The following CUX2 variants were observed in gnomAD, a reference collection of about 807,000 sequenced individuals.
CUX2 encodes the protein homeobox protein cut-like 2.
A neutral mutation model predicts 144.8 loss-of-function variants in CUX2; 40 were observed. The ratio of observed to expected loss-of-function variants is 0.28; its 90% CI spans 0.21 to 0.36. CUX2 has a LOEUF of 0.36. Among genes scored for constraint, CUX2 ranks in the 10% least tolerant of loss-of-function variants. The pLI, the probability that CUX2 is intolerant of heterozygous loss-of-function variation, is 1.00. For missense variants in CUX2, 1,615 were observed against 1,994.0 expected (o/e 0.81, Z 3.62); for synonymous variants, 827 against 875.6 (o/e 0.94, Z 0.98).
rs1555279320 is a variant in CUX2, at chr12:111,186,780, A to ATG, written c.64-27418_64-27417dup. On this transcript the variant is annotated intron_variant, in intron 1 of 21. Transcript: ENST00000261726. The surrounding 1 kb of genome is among the most constrained non-coding windows in gnomAD (Gnocchi z 4.4). The stretch of plus-strand genomic sequence containing the variant: ...GTATTAAAATCGATATGATGTGTGT[A>ATG]TGTTTTTTTTTTTTTTGAGACAGAA... Among the ~76,000 whole-genome samples the ATG allele has an allele frequency of 7.7e-6, 1 of 129,762 alleles. No homozygotes were observed. Among genetic ancestry groups the ATG allele is most frequent in the Non-Finnish European group, 1.5e-5 (1 of 64,602 alleles). 85.1% of individuals were successfully genotyped at this position (129,762 alleles called of 152,430 possible). A position where few individuals can be genotyped will look rare whatever the true frequency, so the allele number is the denominator to read the frequency against.
chr12:111,247,321 T>A (rs1481679509), intron 3 of CUX2, among the ~76,000 whole-genome samples: 1 of 152,204 alleles, frequency 6.6e-6, no homozygotes, highest in Non-Finnish European at 1.5e-5. Flanking sequence ...ACTCCACAGA[T>A]ACGTCCAGAA....
At position 111,069,801 on chromosome 12, in the gene CUX2, T is replaced by C. The variant is rs141969043; in HGVS notation, c.63+35561T>C. 3.5e-3 allele frequency among the ~76,000 whole-genome samples: 529 copies of C among 152,264 alleles called. 8 individuals are homozygous for C. The highest frequency in any genetic ancestry group is 0.012 in the African/African-American group (486 of 41,544). The stretch of plus-strand genomic sequence containing the variant: ...ACCTTAAATACATCTTTAAAGGCCC[T>C]GCTCCAAATACAGTCTCCAAACACA... On this transcript the variant is annotated intron_variant, in intron 1 of 21. Transcript: ENST00000261726.
chr12:111,347,465 G>A (rs969595458), intron 21 of CUX2, 59 bp from the exon 22 acceptor site: 2 of 1,482,204 alleles, frequency 1.3e-6, no homozygotes, highest in African/African-American at 2.8e-5. Flanking sequence ...TATGCAGATG[G>A]AGTCCAGGGT....
In CUX2 at chr12:111,037,247, C is replaced by T. The variant is rs1343765068; in HGVS notation, c.63+3007C>T. Among the ~76,000 whole-genome samples, 1 of 152,184 alleles carries T rather than the reference C, an allele frequency of 6.6e-6. No individual in the cohort carries two copies. The highest frequency in any genetic ancestry group is 1.5e-5 in the Non-Finnish European group (1 of 68,040). On this transcript the variant is annotated intron_variant, in intron 1 of 21. Coordinates refer to ENST00000261726, the MANE Select transcript of CUX2 (RefSeq NM_015267.4). This position sits in a 1 kb window ranked among gnomAD's most constrained non-coding sequence, Gnocchi z 5.4. ...GCTGTTCAGGTTGAATGGTTTCTCG[C>T]AGCGTGGTTGCTGAGCATTAAAGTG...
intron 3 of CUX2, among the ~76,000 whole-genome samples, chr12:111,259,207 A>T (rs749680692): frequency 1.3e-5 from 2 of 152,102 alleles, no homozygotes; most frequent in Non-Finnish European, 2.9e-5. Flanking sequence ...TGGCCTCAGG[A>T]TAATTTCTTA....
chr12:111,151,466 A>C (rs1877045267), intron 1 of CUX2, among the ~76,000 whole-genome samples: 2 of 152,242 alleles, frequency 1.3e-5, no homozygotes, highest in African/African-American at 2.4e-5. Flanking sequence ...AATGCAATAT[A>C]ATTCAGTTCT....
chr12:111,105,458 A>T (rs1873539917), intron 1 of CUX2, among the ~76,000 whole-genome samples: 1 of 151,896 alleles, frequency 6.6e-6, no homozygotes, highest in African/African-American at 2.4e-5. Flanking sequence ...AATTCAGGAG[A>T]GGGCTAGTGT....
intron 20 of CUX2, among the ~76,000 whole-genome samples, chr12:111,338,855 C>G (rs569967859): frequency 7.2e-5 from 11 of 152,212 alleles, no homozygotes; most frequent in African/African-American, 2.4e-4. Flanking sequence ...TGAATAGCCA[C>G]TGCACTCCAG....
intron 1 of CUX2, among the ~76,000 whole-genome samples, chr12:111,132,619 T>C (rs1301918285): frequency 1.5e-5 from 2 of 135,408 alleles, no homozygotes; most frequent in African/African-American, 5.7e-5. Flanking sequence ...CAGGCTGGAG[T>C]GCAATGGCAC....
At chr12:111,073,593 G>T (rs993923543) in intron 1 of CUX2, among the ~76,000 whole-genome samples, 2 of 152,068 alleles carry the variant, frequency 1.3e-5, no homozygotes, top group African/African-American at 2.4e-5. Flanking sequence ...TCTGTGCGTT[G>T]TAGGATGCTT....
chr12:111,100,134 G>A (rs866974030), intron 1 of CUX2: 4 of 446,316 alleles, frequency 9.0e-6, no homozygotes, highest in South Asian at 3.2e-5. Context: ...GCAAGGACCC[G>A]CCGAGGGTTG....
At chr12:111,325,240 G>A (rs990572421) in intron 18 of CUX2, among the ~76,000 whole-genome samples, 5 of 151,470 alleles carry the variant, frequency 3.3e-5, no homozygotes, top group African/African-American at 1.2e-4. Flanking sequence ...CTTGCAATGA[G>A]CCGAGATCCT....
chr12:111,247,400 A>G (rs1160760633), intron 3 of CUX2, among the ~76,000 whole-genome samples: 3 of 152,244 alleles, frequency 2.0e-5, no homozygotes, highest in Non-Finnish European at 4.4e-5. Context: ...CCGCCTTTCC[A>G]GAAAGGGCAG....
At chr12:111,164,975 A>G (rs1485666683) in intron 1 of CUX2, among the ~76,000 whole-genome samples, 1 of 152,198 alleles carries the variant, frequency 6.6e-6, no homozygotes, top group Non-Finnish European at 1.5e-5. Context: ...AGGAGGACAG[A>G]TCAGAGGGAA....
chr12:111,319,962 T>G, intron 16 of CUX2, 50 bp from the exon 17 acceptor site: 3 of 1,419,846 alleles, frequency 2.1e-6, no homozygotes, highest in Non-Finnish European at 2.7e-6. Flanking sequence ...GTCCCCTGCA[T>G]GCCGAGCCCT....
chr12:111,150,322 G>T (rs1297639315), intron 1 of CUX2, among the ~76,000 whole-genome samples: 1 of 152,132 alleles, frequency 6.6e-6, no homozygotes, highest in African/African-American at 2.4e-5. Flanking sequence ...CCAAAAAAGG[G>T]CCGGGAAAAA....
chr12:111,218,048 C>T, intron 3 of CUX2, 111 bp downstream of exon 3: 1 of 1,089,568 alleles, frequency 9.2e-7, no homozygotes, highest in Non-Finnish European at 1.4e-6. Flanking sequence ...TTTGGAGAAG[C>T]TTCCCTGTCC....
intron 3 of CUX2, among the ~76,000 whole-genome samples, chr12:111,227,061 C>T (rs1189843769): frequency 2.0e-5 from 3 of 152,158 alleles, no homozygotes. Context: ...ACAGCCCCAC[C>T]GACACCAGCA....
At chr12:111,346,276 A>C (rs1259457545) in intron 21 of CUX2, among the ~76,000 whole-genome samples, 12 of 151,820 alleles carry the variant, frequency 7.9e-5, no homozygotes, top group Non-Finnish European at 1.5e-4. Context: ...AGGAGTTCAA[A>C]ACCAGCCTGA....
Sources: gnomAD v4.1 joint callset for allele counts (sites outside exome capture counted in the v4.1 genomes callset) on GRCh38, gnomAD v4.1.1 for gene constraint, Gnocchi (gnomAD v3.1) non-coding constraint, MANE v1.5 for transcripts, NCBI Gene and HGNC (gene_info 2026-07-23, HGNC 2026-07-21) for gene names.